SYT10: variants seen among roughly 807,000 people sequenced by gnomAD.
The protein encoded by SYT10 is synaptotagmin 10.
SYT10 carries 31 observed loss-of-function variants against 51.1 expected under a neutral mutation model. That is an observed-to-expected ratio of 0.61 (90% CI 0.46 to 0.82). SYT10 has a LOEUF of 0.82. Among genes scored for constraint, SYT10 ranks in the 40% least tolerant of loss-of-function variants. The probability of loss-of-function intolerance (pLI) is 0.00; values close to 1 mark genes in which losing one functional copy is unlikely to be tolerated. For missense variants in SYT10, 603 were observed against 634.0 expected (o/e 0.95, Z 0.53); for synonymous variants, 233 against 225.9 (o/e 1.03, Z -0.28).
chr12:33,385,463 G>GTTTTT (rs1866149651), intron 3 of SYT10, among the ~76,000 whole-genome samples, 172 bp from the exon 4 acceptor site: 2 of 152,152 alleles, frequency 1.3e-5, no homozygotes, highest in Non-Finnish European at 2.9e-5. Flanking sequence ...GTGTATCCCA[G>GTTTTT]TTGCTTATTT....
At chr12:33,417,261 A>G (rs907425343) in intron 2 of SYT10, among the ~76,000 whole-genome samples, 5 of 152,192 alleles carry the variant, frequency 3.3e-5, no homozygotes, top group Non-Finnish European at 7.3e-5. Flanking sequence ...AAATCCATTC[A>G]TGAATCAATG....
intron 2 of SYT10, among the ~76,000 whole-genome samples, chr12:33,417,917 T>C (rs1866468991): frequency 6.6e-6 from 1 of 152,188 alleles, no homozygotes. Context: ...ATTGGAGGTT[T>C]TGGTGAGTTG....
intron 2 of SYT10, among the ~76,000 whole-genome samples, chr12:33,411,974 T>C (rs553429968): frequency 6.6e-6 from 1 of 152,288 alleles, no homozygotes; most frequent in Admixed American, 6.5e-5. Flanking sequence ...ATATTCAATA[T>C]TCTTAAGATA....
chr12:33,432,797 A>G (rs1866607662), intron 1 of SYT10: 1 of 152,102 alleles, frequency 6.6e-6, no homozygotes, highest in African/African-American at 2.4e-5. Flanking sequence ...TAAATTAGAC[A>G]GTAGATCATA....
intron 2 of SYT10, 85 bp downstream of exon 2, chr12:33,426,053 T>C: frequency 1.5e-6 from 2 of 1,362,544 alleles, no homozygotes; most frequent in Non-Finnish European, 2.0e-6. Flanking sequence ...TTTTCTCTCT[T>C]ATGAAATTTC....
At chr12:33,436,331 T>C (rs1346861030) in intron 1 of SYT10, among the ~76,000 whole-genome samples, 3 of 152,178 alleles carry the variant, frequency 2.0e-5, no homozygotes, top group African/African-American at 7.2e-5. Context: ...GTGGGTGACA[T>C]ATCTATTTCG....
At chr12:33,424,929 A>G (rs1866537859) in intron 2 of SYT10, among the ~76,000 whole-genome samples, 1 of 152,098 alleles carries the variant, frequency 6.6e-6, no homozygotes. Flanking sequence ...GAAAAGTGTA[A>G]CATGAAAAAG....
chr12:33,377,123 A>G (rs1040461091), intron 6 of SYT10, among the ~76,000 whole-genome samples: 2 of 152,354 alleles, frequency 1.3e-5, no homozygotes, highest in East Asian at 1.9e-4. Context: ...ACAGATGTAC[A>G]TGGAGCAGCC....
At chr12:33,378,814 CTG>C (rs56373564) in intron 6 of SYT10, among the ~76,000 whole-genome samples, 11,418 of 144,674 alleles carry the variant, frequency 0.079, 786 homozygotes, top group African/African-American at 0.19. Context: ...GACTGGGTAT[CTG>C]TGTGTGTGTG....
chr12:33,396,286 C>G (rs1199496862), intron 3 of SYT10, among the ~76,000 whole-genome samples: 3 of 151,984 alleles, frequency 2.0e-5, no homozygotes, highest in Non-Finnish European at 2.9e-5. Context: ...GATTATTCAA[C>G]CTGAAAGCAA....
chr12:33,403,604 T>C (rs1043379450), intron 3 of SYT10, among the ~76,000 whole-genome samples: 1 of 152,194 alleles, frequency 6.6e-6, no homozygotes, highest in African/African-American at 2.4e-5. Context: ...CTGCATAGTT[T>C]GATTTGCCTC....
chr12:33,416,374 C>T (rs774149755), intron 2 of SYT10, among the ~76,000 whole-genome samples: 10 of 152,092 alleles, frequency 6.6e-5, no homozygotes, highest in South Asian at 2.1e-4. Flanking sequence ...TGAGCCACCA[C>T]GCCCGGCCCA....
chr12:33,415,862 G>T (rs895929731), intron 2 of SYT10, among the ~76,000 whole-genome samples: 1 of 152,166 alleles, frequency 6.6e-6, no homozygotes, highest in Admixed American at 6.5e-5. Flanking sequence ...TGCCACAGTG[G>T]ATTTTTTAAA....
chr12:33,398,824 T>C (rs926667700), intron 3 of SYT10, among the ~76,000 whole-genome samples: 1 of 152,222 alleles, frequency 6.6e-6, no homozygotes, highest in Non-Finnish European at 1.5e-5. Context: ...CAACAAACTA[T>C]GGTTAGCCTT....
chr12:33,396,302 T>C (rs1866255478), intron 3 of SYT10, among the ~76,000 whole-genome samples: 1 of 152,136 alleles, frequency 6.6e-6, no homozygotes, highest in Non-Finnish European at 1.5e-5. Flanking sequence ...AGCAACAAAT[T>C]GGAGCAGTAA....
intron 1 of SYT10, among the ~76,000 whole-genome samples, chr12:33,433,388 T>C (rs1184276243): frequency 6.6e-6 from 1 of 152,122 alleles, no homozygotes; most frequent in Admixed American, 6.5e-5. Flanking sequence ...GGTAGGAAAA[T>C]ACAGCACACA....
intron 2 of SYT10, among the ~76,000 whole-genome samples, chr12:33,425,160 A>C (rs1307004881): frequency 6.6e-6 from 1 of 152,182 alleles, no homozygotes; most frequent in Non-Finnish European, 1.5e-5. Flanking sequence ...AAGTATTACC[A>C]TGTTGGAAAA....
Position 33,414,753 on chromosome 12 carries a change from C to T in SYT10, c.510-7397G>A, listed in dbSNP as rs562300134. Reference sequence around the variant, plus strand: ...GGAAGATCTAAAATTGACACCCTAACATCACCATCTTATTCTTCAAATCTA... The same window carrying T: ...GGAAGATCTAAAATTGACACCCTAATATCACCATCTTATTCTTCAAATCTA... On this transcript the variant is annotated intron_variant, in intron 2 of 6. Transcript: ENST00000228567. Among the ~76,000 whole-genome samples, 5 of 152,328 alleles carry T rather than the reference C, an allele frequency of 3.3e-5. 1 individual carries two copies. In the South Asian group the frequency reaches 8.3e-4, roughly 25 times the overall value.
chr12:33,413,113 CGAGAA>C (rs1225359835), intron 2 of SYT10, among the ~76,000 whole-genome samples: 10 of 151,796 alleles, frequency 6.6e-5, no homozygotes, highest in African/African-American at 1.7e-4. Context: ...TGAAATGAAG[CGAGAA>C]GAGAAGTTTA....
Sources: gnomAD v4.1 joint callset for allele counts (sites outside exome capture counted in the v4.1 genomes callset) on GRCh38, gnomAD v4.1.1 for gene constraint, MANE v1.5 for transcripts, NCBI Gene and HGNC (gene_info 2026-07-23, HGNC 2026-07-21) for gene names.